GRAMD1B: variants seen among roughly 807,000 people sequenced by gnomAD.
GRAMD1B encodes GRAM domain containing 1B, also known as protein Aster-B.
GRAMD1B carries 37 observed loss-of-function variants against 99.7 expected under a neutral mutation model. That is an observed-to-expected ratio of 0.37 (90% CI 0.29 to 0.49). The LOEUF is 0.49. Among genes scored for constraint, GRAMD1B ranks in the 20% least tolerant of loss-of-function variants. The pLI is 0.98. For missense variants in GRAMD1B, 888 were observed against 1,009.2 expected, an observed-to-expected ratio of 0.88 and a Z score of 1.63; for synonymous variants, 427 against 387.6, an observed-to-expected ratio of 1.10 and a Z score of -1.19.
At chr11:123,378,006 A>G (rs2135771156) in intron 1 of GRAMD1B, among the ~76,000 whole-genome samples, 1 of 152,300 alleles carries the variant, frequency 6.6e-6, no homozygotes, top group South Asian at 2.1e-4. Flanking sequence ...CTGTTAGCAT[A>G]GGTATATTTC....
chr11:123,525,401 C>T (rs1159571177), intron 2 of GRAMD1B, among the ~76,000 whole-genome samples: 1 of 152,120 alleles, frequency 6.6e-6, no homozygotes, highest in Non-Finnish European at 1.5e-5. Flanking sequence ...GTGCAGAGGA[C>T]CTAGGGTCCA....
intron 14 of GRAMD1B, among the ~76,000 whole-genome samples, chr11:123,611,479 G>T (rs969519184): frequency 6.6e-6 from 1 of 152,012 alleles, no homozygotes; most frequent in East Asian, 1.9e-4. Flanking sequence ...GGTAATTTTT[G>T]GGGGGTTGGG....
At chr11:123,484,205 CTCT>C (rs1591670004) in intron 2 of GRAMD1B, among the ~76,000 whole-genome samples, 2 of 152,280 alleles carry the variant, frequency 1.3e-5, no homozygotes, top group African/African-American at 2.4e-5. Context: ...TCTTTGCCTG[CTCT>C]TCTTCTACCA....
intron 3 of GRAMD1B, among the ~76,000 whole-genome samples, chr11:123,581,692 G>A (rs867788089): frequency 2.0e-5 from 3 of 152,204 alleles, no homozygotes; most frequent in Non-Finnish European, 2.9e-5. Flanking sequence ...TATGTTTCAC[G>A]TTTCTTTTCA....
At chr11:123,614,981 G>T in intron 17 of GRAMD1B, 146 bp downstream of exon 17, 1 of 544,040 alleles carries the variant, frequency 1.8e-6, no homozygotes, top group East Asian at 2.9e-5. Flanking sequence ...TGTCTGGATT[G>T]GTTGCTCTGC....
chr11:123,417,474 C>T (rs917607707), intron 1 of GRAMD1B, among the ~76,000 whole-genome samples: 7 of 152,134 alleles, frequency 4.6e-5, no homozygotes, highest in Admixed American at 2.0e-4. Flanking sequence ...CAGGTACTAA[C>T]TTAGGACTGA....
chr11:123,390,102 T>C (rs1157023709), intron 1 of GRAMD1B, among the ~76,000 whole-genome samples: 1 of 150,342 alleles, frequency 6.7e-6, no homozygotes, highest in South Asian at 2.1e-4. Flanking sequence ...AAAAAAAAAT[T>C]GATTTAACAA....
At chr11:123,403,454 A>G (rs996967928) in intron 1 of GRAMD1B, among the ~76,000 whole-genome samples, 7,278 of 90,066 alleles carry the variant, frequency 0.081, 339 homozygotes, top group African/African-American at 0.25. Flanking sequence ...TGATGATAAT[A>G]ATAATAATAA....
chr11:123,363,375 G>A (rs1015467741), intron 1 of GRAMD1B, among the ~76,000 whole-genome samples: 4 of 152,192 alleles, frequency 2.6e-5, no homozygotes, highest in African/African-American at 9.7e-5. Flanking sequence ...AATCAGATAA[G>A]AAGGTATCCT....
At chr11:123,582,280 G>A (rs1207079659) in intron 3 of GRAMD1B, among the ~76,000 whole-genome samples, 1 of 152,236 alleles carries the variant, frequency 6.6e-6, no homozygotes, top group Non-Finnish European at 1.5e-5. Flanking sequence ...GACGCAGCCT[G>A]CTTGCCCCAT....
At chr11:123,379,506 A>G (rs1439980804) in intron 1 of GRAMD1B, among the ~76,000 whole-genome samples, 13 of 152,204 alleles carry the variant, frequency 8.5e-5, no homozygotes, top group Non-Finnish European at 1.6e-4. Flanking sequence ...AGCATTTATC[A>G]TCACTTCATT....
At chr11:123,617,469 G>A (rs972224985) in intron 17 of GRAMD1B, among the ~76,000 whole-genome samples, 6 of 152,104 alleles carry the variant, frequency 3.9e-5, no homozygotes, top group Admixed American at 6.5e-5. Context: ...GATTACAGGC[G>A]TGAGCCACCA....
chr11:123,461,967 CTTTTTTT>C (rs756413526), intron 1 of GRAMD1B, among the ~76,000 whole-genome samples: 4,128 of 122,274 alleles, frequency 0.034, 204 homozygotes, highest in African/African-American at 0.12. Flanking sequence ...TTGTTTATTT[CTTTTTTT>C]TTTTTTTTTT....
At chr11:123,546,628 A>G (rs996543485) in intron 2 of GRAMD1B, among the ~76,000 whole-genome samples, 1 of 152,204 alleles carries the variant, frequency 6.6e-6, no homozygotes, top group Non-Finnish European at 1.5e-5. Flanking sequence ...GAAAAGGGCC[A>G]TTGGTCGAGG....
rs563300181 is a variant in GRAMD1B, at chr11:123,441,059, G to A, written c.374+9893G>A. On this transcript the variant is annotated intron_variant, in intron 1 of 19. Coordinates refer to ENST00000635736, the MANE Select transcript of GRAMD1B (RefSeq NM_001387025.1). ...GAGGCCTCCCCAGCCACGTGGAACT[G>A]TAAGTCCAATAAACCTCTTTCTTTT... Among the ~76,000 whole-genome samples, 578 of 152,240 alleles carry A rather than the reference G, an allele frequency of 3.8e-3. 4 individuals are homozygous for A. Among genetic ancestry groups the A allele is most frequent in the African/African-American group, 0.012 (511 of 41,546 alleles).
upstream of GRAMD1B, among the ~76,000 whole-genome samples, chr11:123,428,164 A>G (rs894072639): frequency 2.0e-5 from 3 of 152,086 alleles, no homozygotes; most frequent in African/African-American, 7.2e-5. Flanking sequence ...CTATGTCAAG[A>G]GCCCGCCCAA....
chr11:123,366,895 C>T (rs1256702197), intron 1 of GRAMD1B, among the ~76,000 whole-genome samples: 1 of 152,138 alleles, frequency 6.6e-6, no homozygotes, highest in African/African-American at 2.4e-5. Flanking sequence ...ATTATTACAA[C>T]AAACATTTGT....
rs1413954575 is a variant in GRAMD1B at position 123,492,858 on chromosome 11, TCACACATACACA to T, written c.452+11972_452+11983del. Among the ~76,000 whole-genome samples the T allele has an allele frequency of 1.5e-5, 2 of 131,702 alleles. No individual in the cohort carries two copies. The highest frequency in any genetic ancestry group is 3.4e-5 in the Non-Finnish European group (2 of 59,096). 86.4% of individuals were successfully genotyped at this position (131,702 alleles called of 152,430 possible). On this transcript the variant is annotated intron_variant, in intron 2 of 19. Transcript: ENST00000635736. The surrounding 1 kb of genome is among the most constrained non-coding windows in gnomAD (Gnocchi z 4.2). Reference sequence around the variant, plus strand: ...CTCTCTCTCTCTCTGTCTCTCTCTTTCACACATACACACACACACACACACACACACACACAC... The same window carrying T: ...CTCTCTCTCTCTCTGTCTCTCTCTTTCACACACACACACACACACACACAC...
At chr11:123,536,639 C>T (rs1208468356) in intron 2 of GRAMD1B, among the ~76,000 whole-genome samples, 1 of 152,110 alleles carries the variant, frequency 6.6e-6, no homozygotes, top group African/African-American at 2.4e-5. Flanking sequence ...GCCTTTCCTG[C>T]ACTTAAAATT....
Sources: allele counts gnomAD v4.1 joint callset (sites outside exome capture counted in the v4.1 genomes callset), GRCh38; gene constraint gnomAD v4.1.1; non-coding constraint Gnocchi (gnomAD v3.1); transcripts MANE v1.5; gene names NCBI Gene and HGNC (gene_info 2026-07-23, HGNC 2026-07-21).